COL4A4: variants seen among roughly 807,000 people sequenced by gnomAD.
COL4A4 encodes the protein collagen type IV alpha 4 chain.
Under a neutral mutation model 192.9 loss-of-function variants are expected in COL4A4, and 105 were observed. The ratio of observed to expected loss-of-function variants is 0.54; its 90% confidence interval spans 0.46 to 0.64. The LOEUF (loss-of-function observed/expected upper bound fraction) is 0.64. Ranked by LOEUF, COL4A4 falls within the 30% of genes least tolerant of loss-of-function variation. The pLI, the probability that COL4A4 is intolerant of heterozygous loss-of-function variation, is 0.00. For synonymous variants in COL4A4, 762 were observed against 769.9 expected (o/e 0.99, Z 0.17); for missense variants, 1,967 against 2,169.3 (o/e 0.91, Z 1.85).
chr2:227,149,980 T>C (rs2063816701), intron 1 of COL4A4, among the ~76,000 whole-genome samples: 1 of 152,338 alleles, frequency 6.6e-6, no homozygotes, highest in East Asian at 1.9e-4. Context: ...TCATCACATG[T>C]CCTTGGTTAC....
intron 4 of COL4A4, among the ~76,000 whole-genome samples, chr2:227,138,152 A>AATG (rs1445329475): frequency 1.6e-4 from 24 of 150,984 alleles, no homozygotes; most frequent in Non-Finnish European, 3.2e-4. Context: ...TAATAATAAT[A>AATG]ATAATCAAAA....
chr2:227,030,937 G>GATGA (rs1968160849), intron 40 of COL4A4, among the ~76,000 whole-genome samples: 1 of 151,318 alleles, frequency 6.6e-6, no homozygotes, highest in South Asian at 2.1e-4. Context: ...TGGATGGATG[G>GATGA]ATGGATGGAT....
chr2:227,047,402 G>C (rs1973113436), intron 35 of COL4A4, 73 bp downstream of exon 35: 3 of 1,057,348 alleles, frequency 2.8e-6, no homozygotes, highest in Non-Finnish European at 4.4e-6. Flanking sequence ...ATCATTGCCA[G>C]CTAGAAGTAA....
chr2:227,083,093 A>G (rs945405083), intron 22 of COL4A4, among the ~76,000 whole-genome samples: 1 of 152,106 alleles, frequency 6.6e-6, no homozygotes, highest in Admixed American at 6.6e-5. Flanking sequence ...GCTGGATGTG[A>G]TGGTGCACAC....
At chr2:227,025,123 G>A (rs1966753859) in intron 43 of COL4A4, among the ~76,000 whole-genome samples, 1 of 152,152 alleles carries the variant, frequency 6.6e-6, no homozygotes. Context: ...GTCTTCTAAA[G>A]ACCTTAAAAA....
Position 227,059,472 on chromosome 2 carries a change from C to T in COL4A4, c.2316G>A (p.Lys772=). 6.2e-7 allele frequency: 1 copy of T among 1,614,180 alleles called. No individual in the cohort carries two copies. Among genetic ancestry groups the T allele is most frequent in the Non-Finnish European group, 8.5e-7 (1 of 1,180,020 alleles). The change falls in exon 28 of 48, where the codon AAG becomes AAA. Residue 772 remains lysine, a synonymous_variant. Transcript: ENST00000396625. ...TCCCTGGCACTCCTGAAAGACCCCT[C>T]TTTCCCGGGGGTCCCAGGTGACCAA... ...PAFGHLGPPG[K]RGLSGVPGIK... is the part of the protein sequence containing the mutation.
chr2:227,130,874 T>G (rs143202648), intron 4 of COL4A4, among the ~76,000 whole-genome samples: 1,675 of 152,056 alleles, frequency 0.011, 34 homozygotes, highest in African/African-American at 0.038. Context: ...CAGGTGAGTC[T>G]CCTCATTCCT....
intron 35 of COL4A4, among the ~76,000 whole-genome samples, chr2:227,045,820 A>G (rs1972438525): frequency 3.7e-5 from 3 of 80,584 alleles, no homozygotes; most frequent in African/African-American, 2.0e-4. Flanking sequence ...ATATATACAC[A>G]TATATATATA....
rs1962425286 is a variant in COL4A4 at position 227,007,532 on chromosome 2, G to A, written c.4866C>T (p.Cys1622=). The A allele has an allele frequency of 6.2e-7, 1 of 1,613,504 alleles. No homozygotes were observed. Among genetic ancestry groups the A allele is most frequent in the Non-Finnish European group, 8.5e-7 (1 of 1,180,022 alleles). Residue 1622 remains cysteine (C), a synonymous_variant, in exon 48 of 48, where the codon TGC becomes TGT. Transcript: ENST00000396625. ...ATGGTGCTGCTCTGAAATCTTCCAG[G>A]CAGCTGCCAGGTGACATAAGGGCCT... ...GGQALMSPGS[C]LEDFRAAPFL...
chr2:226,994,829 T>C, the COL4A4 span, among the ~76,000 whole-genome samples: 1 of 152,216 alleles, frequency 6.6e-6, no homozygotes, highest in Non-Finnish European at 1.5e-5. Flanking sequence ...AGAAACTCTT[T>C]TCAGTAACGA....
At chr2:227,011,224 C>T (rs545316701) in intron 45 of COL4A4, among the ~76,000 whole-genome samples, 15 of 152,300 alleles carry the variant, frequency 9.8e-5, no homozygotes, top group East Asian at 5.8e-4. Context: ...TGAAGTTAGA[C>T]ATTGAAACCA....
chr2:226,982,159 C>A, the COL4A4 span, among the ~76,000 whole-genome samples: 1 of 152,248 alleles, frequency 6.6e-6, no homozygotes, highest in African/African-American at 2.4e-5. Flanking sequence ...CTGGGAGGTT[C>A]CCAGTGATTC....
intron 40 of COL4A4, among the ~76,000 whole-genome samples, chr2:227,030,836 C>G (rs774953829): frequency 3.9e-5 from 6 of 152,138 alleles, no homozygotes; most frequent in Admixed American, 6.5e-5. Context: ...CCAAGCAAAA[C>G]CTTCCTTCCC....
intron 6 of COL4A4, among the ~76,000 whole-genome samples, chr2:227,119,056 CTT>C (rs895755025): frequency 1.4e-5 from 2 of 146,416 alleles, no homozygotes; most frequent in Admixed American, 6.9e-5. Context: ...CCACATACCT[CTT>C]TTTTTTTTTC....
At chr2:227,057,789 C>T (rs576192084) in intron 28 of COL4A4, among the ~76,000 whole-genome samples, 189 bp from the exon 29 acceptor site, 16 of 152,216 alleles carry the variant, frequency 1.1e-4, no homozygotes, top group Admixed American at 2.0e-4. Flanking sequence ...AGAGAAACAA[C>T]GCATTGCTAA....
chr2:227,145,285 T>C (rs933044921), intron 2 of COL4A4, among the ~76,000 whole-genome samples: 22 of 151,880 alleles, frequency 1.4e-4, no homozygotes, highest in Admixed American at 5.2e-4. Context: ...CCATCTCTAC[T>C]AAAATACAAA....
intron 1 of COL4A4, among the ~76,000 whole-genome samples, chr2:227,148,903 G>A (rs1221837788): frequency 6.0e-5 from 9 of 151,182 alleles, no homozygotes; most frequent in South Asian, 4.2e-4. Context: ...GTGCAATGGC[G>A]CGATCTTGGC....
chr2:227,005,189 CCTGT>C lies in COL4A4; in HGVS notation c.*2132_*2135del, dbSNP rs1439823589. On this transcript the variant is annotated 3_prime_UTR_variant, in exon 48 of 48. Coordinates refer to ENST00000396625, the MANE Select transcript of COL4A4 (RefSeq NM_000092.5). ...GGAGTAAACTGTCTACATAATTTAGCCTGTCTTTGTGTGGGTTTTTTTTTTTTAC... is the reference window on the plus strand; with the variant it reads ...GGAGTAAACTGTCTACATAATTTAGCCTTTGTGTGGGTTTTTTTTTTTTAC... The C allele has an allele frequency of 1.4e-5, 2 of 147,290 alleles. No individual in the cohort carries two copies. Among genetic ancestry groups the C allele is most frequent in the African/African-American group, 4.9e-5 (2 of 40,632 alleles). The allele number at this position is 147,290 out of a possible 1,614,324, so 9.1% of individuals were successfully genotyped here.
chr2:227,134,806 C>T (rs528740762), intron 4 of COL4A4, among the ~76,000 whole-genome samples: 33 of 152,344 alleles, frequency 2.2e-4, no homozygotes, highest in Middle Eastern at 3.4e-3. Context: ...CAATTCTTGA[C>T]ATTTACGTCA....
Sources: gnomAD v4.1 joint callset for allele counts (sites outside exome capture counted in the v4.1 genomes callset) on GRCh38, gnomAD v4.1.1 for gene constraint, MANE v1.5 for transcripts, NCBI Gene and HGNC (gene_info 2026-07-23, HGNC 2026-07-21) for gene names.